The following BLOC1S5 variants were observed in gnomAD, a reference collection of about 807,000 sequenced individuals.
BLOC1S5 encodes biogenesis of lysosomal organelles complex 1 subunit 5.
Under a neutral mutation model 24.3 loss-of-function variants are expected in BLOC1S5, and 27 were observed. That is an observed-to-expected ratio of 1.11 (90% CI 0.82 to 1.53). The LOEUF is 1.53. BLOC1S5 is among the 40% of genes most tolerant of loss of function. The probability of loss-of-function intolerance (pLI) is 0.00; values close to 1 mark genes in which losing one functional copy is unlikely to be tolerated. For missense variants in BLOC1S5, 239 were observed against 229.4 expected (o/e 1.04, Z -0.27); for synonymous variants, 84 against 74.5 (o/e 1.13, Z -0.66).
At chr6:8,064,211 G>A in intron 1 of BLOC1S5, 54 bp downstream of exon 1, 2 of 1,468,592 alleles carry the variant, frequency 1.4e-6, no homozygotes, top group South Asian at 2.5e-5. Flanking sequence ...GCGCCGCCTG[G>A]GAGATGAGGC....
chr6:8,015,923 G>A lies in BLOC1S5; in HGVS notation c.385-95C>T, dbSNP rs945138416. 55 of 1,179,336 alleles carry A rather than the reference G, an allele frequency of 4.7e-5. 1 individual carries two copies. The highest frequency in any genetic ancestry group is 3.9e-4 in the South Asian group (24 of 61,130). The allele number at this position is 1,179,336 out of a possible 1,614,324, so 73.1% of individuals were successfully genotyped here. On this transcript the variant is annotated intron_variant, in intron 4 of 4. Transcript: ENST00000397457. ...ACTTGGTTACCGTAACAATCAGCTG[G>A]TAAGTCACAAGGAAAAAGTTGTGTT...
At chr6:8,047,819 A>G (rs1001018952) in intron 2 of BLOC1S5, among the ~76,000 whole-genome samples, 8 of 152,190 alleles carry the variant, frequency 5.3e-5, no homozygotes, top group Admixed American at 4.6e-4. Context: ...CATGGGTTGT[A>G]TACTCTCAAC....
Position 8,059,540 on chromosome 6 carries a change from A to G in BLOC1S5, c.195+2994T>C, listed in dbSNP as rs542144417. On this transcript the variant is annotated intron_variant, in intron 2 of 4. Transcript: ENST00000397457. ...ACCAGCAGCTCTGCTTTGCCACTCT[A>G]TCTAACCAAAGACCACATTTATTAA... Among the ~76,000 whole-genome samples the G allele has an allele frequency of 1.6e-4, 24 of 152,210 alleles. 1 individual carries two copies. In the South Asian group the frequency reaches 5.0e-3, roughly 32 times the overall value.
At chr6:8,021,645 T>C (rs1431976919) in intron 4 of BLOC1S5, among the ~76,000 whole-genome samples, 3 of 150,772 alleles carry the variant, frequency 2.0e-5, no homozygotes, top group Non-Finnish European at 2.9e-5. Context: ...GTTCCGTGGA[T>C]GGATGGTGGT....
At chr6:8,044,263 G>T (rs574720557) in intron 2 of BLOC1S5, among the ~76,000 whole-genome samples, 1 of 118,034 alleles carries the variant, frequency 8.5e-6, no homozygotes, top group Non-Finnish European at 1.6e-5. Context: ...CAGCCTGGGC[G>T]ACAGAGCAAG....
rs1358411168 is a variant in BLOC1S5 at position 8,014,185 on chromosome 6, A to G, written c.*1464T>C. The G allele has an allele frequency of 6.6e-6, 1 of 152,152 alleles. No individual in the cohort carries two copies. Among genetic ancestry groups the G allele is most frequent in the Non-Finnish European group, 1.5e-5 (1 of 68,032 alleles). The allele number at this position is 152,152 out of a possible 1,614,324, so 9.4% of individuals were successfully genotyped here. On this transcript the variant is annotated 3_prime_UTR_variant, in exon 5 of 5. Transcript: ENST00000397457. ...AAAAATATGTGAAAGATTTATCCAT[A>G]CCTCAAATTTGTTTACCATAAATCT... is the stretch of plus-strand genomic sequence containing the variant.
At chr6:8,047,011 T>C (rs1002367916) in intron 2 of BLOC1S5, among the ~76,000 whole-genome samples, 2 of 152,100 alleles carry the variant, frequency 1.3e-5, no homozygotes, top group African/African-American at 4.8e-5. Flanking sequence ...CTCAAACTCC[T>C]GAGCTCAAGC....
chr6:8,015,884 C>A, intron 4 of BLOC1S5, 56 bp from the exon 5 acceptor site: 1 of 1,476,302 alleles, frequency 6.8e-7, no homozygotes, highest in Non-Finnish European at 9.2e-7. Flanking sequence ...TATTTCATAA[C>A]GTTATCTCTT....
chr6:8,029,110 T>A (rs1464410351), intron 3 of BLOC1S5, among the ~76,000 whole-genome samples: 67 of 151,986 alleles, frequency 4.4e-4, no homozygotes, highest in African/African-American at 1.5e-3. Context: ...ATGGTGTCTA[T>A]AAGTAAACCT....
chr6:8,054,153 C>T (rs879152071), intron 2 of BLOC1S5: 2 of 371,950 alleles, frequency 5.4e-6, no homozygotes, highest in Admixed American at 7.3e-5. Context: ...TGATAATCTT[C>T]TCTTTTCCCA....
chr6:8,036,717 T>A (rs2815137), intron 3 of BLOC1S5, among the ~76,000 whole-genome samples: 85,546 of 151,806 alleles, frequency 0.56, 25,628 homozygotes, highest in East Asian at 0.91. Context: ...GACAAAAGAA[T>A]TAAAAAAGAG....
chr6:8,020,232 TACA>T (rs1447014878), intron 4 of BLOC1S5, among the ~76,000 whole-genome samples: 3 of 152,212 alleles, frequency 2.0e-5, no homozygotes, highest in Non-Finnish European at 4.4e-5. Flanking sequence ...CATGGAGACC[TACA>T]ACATCTCCAT....
chr6:8,019,435 A>T (rs887786181), intron 4 of BLOC1S5, among the ~76,000 whole-genome samples: 8 of 151,888 alleles, frequency 5.3e-5, no homozygotes, highest in Non-Finnish European at 8.8e-5. Context: ...CACCTGGACA[A>T]TTTTTGTATT....
chr6:8,050,529 T>C (rs1261685225), intron 2 of BLOC1S5, among the ~76,000 whole-genome samples: 2 of 152,096 alleles, frequency 1.3e-5, no homozygotes, highest in African/African-American at 4.8e-5. Flanking sequence ...GAATGCATGT[T>C]GAAAGCCAAG....
At chr6:8,049,435 T>A (rs1465056475) in intron 2 of BLOC1S5, among the ~76,000 whole-genome samples, 1 of 152,138 alleles carries the variant, frequency 6.6e-6, no homozygotes, top group Non-Finnish European at 1.5e-5. Flanking sequence ...AATGTCACCA[T>A]CCAAAAACAC....
chr6:8,021,299 A>G (rs9392189), intron 4 of BLOC1S5, among the ~76,000 whole-genome samples: 39,171 of 152,078 alleles, frequency 0.26, 6,658 homozygotes, highest in East Asian at 0.73. Flanking sequence ...CAGTTTTGCA[A>G]TATGAACGAG....
chr6:8,041,189 G>A lies in BLOC1S5; in HGVS notation c.275C>T (p.Pro92Leu). Reference sequence around the variant, plus strand: ...GTCCCGCATTGTGTCTCTACATTTGGGAAGAGTATGTTCATTTGTTTCATG... The same window carrying A: ...GTCCCGCATTGTGTCTCTACATTTGAGAAGAGTATGTTCATTTGTTTCATG... ...MIHETNEHTLPKCRDTMRDSL... is the reference protein window; with the variant it reads ...MIHETNEHTLLKCRDTMRDSL... Residue 92 changes from proline to leucine, a missense_variant, in exon 3 of 5, where the codon CCC becomes CTC. Physicochemically the swap from Pro to Leu is moderately conservative, Grantham distance 98. Coordinates refer to ENST00000397457, the MANE Select transcript of BLOC1S5 (RefSeq NM_201280.3). 6.2e-7 allele frequency: 1 copy of A among 1,612,024 alleles called. No homozygotes were observed. The highest frequency in any genetic ancestry group is 1.7e-4 in the Middle Eastern group (1 of 6,052).
intron 4 of BLOC1S5, among the ~76,000 whole-genome samples, chr6:8,019,038 T>C (rs1041351595): frequency 5.3e-5 from 8 of 152,238 alleles, no homozygotes; most frequent in African/African-American, 1.7e-4. Flanking sequence ...AGTATTTCTA[T>C]TGTGTAGTTT....
chr6:8,051,183 T>TC (rs1554140130), intron 2 of BLOC1S5, among the ~76,000 whole-genome samples: 1 of 71,226 alleles, frequency 1.4e-5, no homozygotes, highest in Non-Finnish European at 2.8e-5. Flanking sequence ...AGATTCCATC[T>TC]CAAAAAAAAA....
Sources: allele counts gnomAD v4.1 joint callset (sites outside exome capture counted in the v4.1 genomes callset), GRCh38; gene constraint gnomAD v4.1.1; transcripts MANE v1.5; gene names NCBI Gene and HGNC (gene_info 2026-07-23, HGNC 2026-07-21).